RGS17: variants seen among roughly 807,000 people sequenced by gnomAD.
RGS17 encodes regulator of G-protein signaling 17.
RGS17 carries 12 observed loss-of-function variants against 25.5 expected under a neutral mutation model. That is an observed-to-expected ratio of 0.47 (90% confidence interval 0.30 to 0.76). RGS17 has a LOEUF of 0.76. Ranked by LOEUF, RGS17 falls within the 30% of genes least tolerant of loss-of-function variation. The probability of loss-of-function intolerance (pLI) is 0.07; values close to 1 mark genes in which losing one functional copy is unlikely to be tolerated. For missense variants in RGS17, 196 were observed against 242.2 expected, an observed-to-expected ratio of 0.81 and a Z score of 1.27; for synonymous variants, 71 against 76.9, an observed-to-expected ratio of 0.92 and a Z score of 0.40.
chr6:153,027,525 T>A (rs1437469892), intron 2 of RGS17, among the ~76,000 whole-genome samples: 1 of 152,164 alleles, frequency 6.6e-6, no homozygotes, highest in Non-Finnish European at 1.5e-5. Context: ...GAAGTTCAGA[T>A]AACATCTCTC....
At chr6:153,066,142 T>A (rs1251299843) in intron 1 of RGS17, among the ~76,000 whole-genome samples, 1 of 152,172 alleles carries the variant, frequency 6.6e-6, no homozygotes, top group African/African-American at 2.4e-5. Flanking sequence ...TAGAGGCTAC[T>A]ATGAGTAACC....
chr6:153,044,100 T>C, intron 1 of RGS17, 57 bp from the exon 2 acceptor site: 1 of 819,512 alleles, frequency 1.2e-6, no homozygotes, highest in South Asian at 1.4e-5. Flanking sequence ...ATAAGTTGCG[T>C]ATGCTGAAGG....
chr6:153,106,379 G>A (rs1184844297), intron 1 of RGS17, among the ~76,000 whole-genome samples: 2 of 151,836 alleles, frequency 1.3e-5, no homozygotes, highest in Non-Finnish European at 2.9e-5. Context: ...GAAAACAGCT[G>A]AGGAAAGGCA....
chr6:153,087,548 C>T (rs184114932), intron 1 of RGS17, among the ~76,000 whole-genome samples: 3 of 152,298 alleles, frequency 2.0e-5, no homozygotes, highest in African/African-American at 7.2e-5. Flanking sequence ...CTAGGCTTTG[C>T]AATCTAATGA....
At chr6:153,029,217 T>C (rs1306720147) in intron 2 of RGS17, among the ~76,000 whole-genome samples, 1 of 152,240 alleles carries the variant, frequency 6.6e-6, no homozygotes, top group African/African-American at 2.4e-5. Context: ...AGTCTTGCCC[T>C]GTAGAAATTG....
intron 2 of RGS17, among the ~76,000 whole-genome samples, chr6:153,042,025 G>C (rs769215153): frequency 7.2e-5 from 11 of 152,272 alleles, no homozygotes; most frequent in Non-Finnish European, 1.0e-4. Flanking sequence ...CTTGCTGAAG[G>C]TCACACAGAT....
At chr6:153,037,171 AACACACACAC>A (rs61117365) in intron 2 of RGS17, among the ~76,000 whole-genome samples, 9 of 145,352 alleles carry the variant, frequency 6.2e-5, no homozygotes, top group East Asian at 6.2e-4. Context: ...CTACCTTTAA[AACACACACAC>A]ACACACACAC....
At chr6:153,039,354 T>C (rs1776292273) in intron 2 of RGS17, among the ~76,000 whole-genome samples, 1 of 152,166 alleles carries the variant, frequency 6.6e-6, no homozygotes, top group Admixed American at 6.5e-5. Context: ...AAGTCTAATT[T>C]ATAAAGTAGC....
At chr6:153,116,472 G>A (rs1175860532) in intron 1 of RGS17, among the ~76,000 whole-genome samples, 1 of 152,196 alleles carries the variant, frequency 6.6e-6, no homozygotes, top group Non-Finnish European at 1.5e-5. Context: ...TACACTGTTG[G>A]TGGGAGTGTA....
rs565903379 is a variant in RGS17, at chr6:153,130,711, T to C, written c.-26+413A>G. Among the ~76,000 whole-genome samples the C allele has an allele frequency of 3.2e-3, 485 of 152,008 alleles. 1 individual carries two copies. The highest frequency in any genetic ancestry group is 0.011 in the African/African-American group (458 of 41,462). On this transcript the variant is annotated intron_variant, in intron 1 of 4. Coordinates refer to ENST00000206262, the MANE Select transcript of RGS17 (RefSeq NM_012419.5). This position sits in a 1 kb window ranked among gnomAD's most constrained non-coding sequence, Gnocchi z 6.4. Reference sequence around the variant, plus strand: ...CCAACCGCACAAAACCCGCAACACCTCGCGTCCCCGCGGGGTCTCCCGCGC... The same window carrying C: ...CCAACCGCACAAAACCCGCAACACCCCGCGTCCCCGCGGGGTCTCCCGCGC...
intron 1 of RGS17, among the ~76,000 whole-genome samples, chr6:153,080,840 T>C (rs933984850): frequency 6.6e-6 from 1 of 150,902 alleles, no homozygotes; most frequent in Non-Finnish European, 1.5e-5. Context: ...TTTCTCCTGT[T>C]TTTTTTTTAA....
At chr6:153,020,845 A>G (rs1192241223) in intron 4 of RGS17, among the ~76,000 whole-genome samples, 1 of 152,228 alleles carries the variant, frequency 6.6e-6, no homozygotes, top group African/African-American at 2.4e-5. Flanking sequence ...AGAAACAGAT[A>G]GGAACTCAGA....
intron 1 of RGS17, among the ~76,000 whole-genome samples, chr6:153,104,706 T>C (rs1030568541): frequency 2.0e-5 from 3 of 151,460 alleles, no homozygotes; most frequent in African/African-American, 7.3e-5. Flanking sequence ...AGAAACAGGT[T>C]GGAAGGAGGA....
intron 1 of RGS17, among the ~76,000 whole-genome samples, chr6:153,070,133 T>C (rs975202286): frequency 6.6e-6 from 1 of 152,128 alleles, no homozygotes; most frequent in African/African-American, 2.4e-5. Context: ...AAGGCTCTAC[T>C]CAGCAGCCCT....
chr6:153,064,318 T>C (rs573513647), intron 1 of RGS17, among the ~76,000 whole-genome samples: 1 of 152,054 alleles, frequency 6.6e-6, no homozygotes, highest in African/African-American at 2.4e-5. Flanking sequence ...AAGATATAAA[T>C]AGAAACAAAA....
At chr6:153,113,284 G>A (rs1285930695) in intron 1 of RGS17, among the ~76,000 whole-genome samples, 1 of 152,116 alleles carries the variant, frequency 6.6e-6, no homozygotes, top group African/African-American at 2.4e-5. Context: ...GGCCATCCTT[G>A]TCTCTGATAA....
chr6:153,126,870 T>C (rs1305359150), intron 1 of RGS17, among the ~76,000 whole-genome samples: 2 of 152,192 alleles, frequency 1.3e-5, no homozygotes, highest in Non-Finnish European at 2.9e-5. Context: ...CTAAATCGCA[T>C]TAAAAATATC....
At position 153,130,100 on chromosome 6, in the gene RGS17, TC is replaced by T. The variant is rs1327052570; in HGVS notation, c.-26+1023del. Reference sequence around the variant, plus strand: ...GCAGCTCCCACCCGCGGCTTCCGAGTCCAGCTCTGTCCCTCCGCCATCCCCT... The same window carrying T: ...GCAGCTCCCACCCGCGGCTTCCGAGTCAGCTCTGTCCCTCCGCCATCCCCT... On this transcript the variant is annotated intron_variant, in intron 1 of 4. Transcript: ENST00000206262. This position sits in a 1 kb window ranked among gnomAD's most constrained non-coding sequence, Gnocchi z 6.4. 6.6e-6 allele frequency among the ~76,000 whole-genome samples: 1 copy of T among 151,898 alleles called. No individual in the cohort carries two copies. The highest frequency in any genetic ancestry group is 6.6e-5 in the Admixed American group (1 of 15,254).
intron 4 of RGS17, among the ~76,000 whole-genome samples, chr6:153,020,139 T>TATATATATATATA (rs1491540636): frequency 4.4e-4 from 10 of 22,534 alleles, no homozygotes; most frequent in Non-Finnish European, 5.2e-4. Context: ...TATATATATA[T>TATATATATATATA]TTTTTTTTTT....
Sources: gnomAD v4.1 joint callset for allele counts (sites outside exome capture counted in the v4.1 genomes callset) on GRCh38, gnomAD v4.1.1 for gene constraint, Gnocchi (gnomAD v3.1) non-coding constraint, MANE v1.5 for transcripts, NCBI Gene and HGNC (gene_info 2026-07-23, HGNC 2026-07-21) for gene names.